The following CAB39 variants were observed in gnomAD, a reference collection of about 807,000 sequenced individuals.
CAB39 encodes calcium binding protein 39.
CAB39 carries 8 observed loss-of-function variants against 40.0 expected under a neutral mutation model. The observed-to-expected ratio is 0.20, with a 90% CI of 0.12 to 0.36. The LOEUF (loss-of-function observed/expected upper bound fraction) is 0.36. Ranked by LOEUF, CAB39 falls within the 10% of genes least tolerant of loss-of-function variation. The probability of loss-of-function intolerance (pLI) is 1.00; values close to 1 mark genes in which losing one functional copy is unlikely to be tolerated. For missense variants in CAB39, 270 were observed against 401.1 expected (o/e 0.67, Z 2.79); for synonymous variants, 156 against 141.6 (o/e 1.10, Z -0.72).
intron 8 of CAB39, chr2:230,818,280 C>T (rs926970953): frequency 2.0e-5 from 10 of 505,106 alleles, no homozygotes; most frequent in African/African-American, 1.8e-4. Flanking sequence ...TAATACTAAA[C>T]ACTGTGTTGC....
chr2:230,785,940 G>A (rs559287192), intron 2 of CAB39, among the ~76,000 whole-genome samples: 22 of 151,668 alleles, frequency 1.5e-4, no homozygotes, highest in Admixed American at 2.6e-4. Context: ...CGAGGCAGGC[G>A]GATCACAAGG....
chr2:230,771,047 G>A (rs1222627218), intron 2 of CAB39, among the ~76,000 whole-genome samples: 6 of 152,112 alleles, frequency 3.9e-5, no homozygotes, highest in African/African-American at 1.4e-4. Context: ...AGCCTATGCA[G>A]TCAGGCAATA....
chr2:230,798,985 G>C (rs1424765697), intron 5 of CAB39, 88 bp downstream of exon 5: 1 of 964,304 alleles, frequency 1.0e-6, no homozygotes, highest in East Asian at 2.7e-5. Flanking sequence ...AAATCTACAC[G>C]TGGCTGCCCT....
intron 1 of CAB39, among the ~76,000 whole-genome samples, chr2:230,720,960 G>A (rs1694439801): frequency 6.6e-6 from 1 of 152,118 alleles, no homozygotes; most frequent in African/African-American, 2.4e-5. Flanking sequence ...TGAGTTATAA[G>A]TTTTTCCTAT....
intron 2 of CAB39, among the ~76,000 whole-genome samples, chr2:230,778,683 A>G (rs1695636345): frequency 6.6e-6 from 1 of 152,172 alleles, no homozygotes; most frequent in South Asian, 2.1e-4. Context: ...AGAGGTTATT[A>G]TGGACTCTAT....
chr2:230,749,064 A>G (rs1218325570), intron 1 of CAB39, among the ~76,000 whole-genome samples: 4 of 148,410 alleles, frequency 2.7e-5, no homozygotes, highest in Non-Finnish European at 5.9e-5. Context: ...ACAACCTCCA[A>G]GGTAACCAAA....
At chr2:230,778,530 C>T (rs1036588058) in intron 2 of CAB39, among the ~76,000 whole-genome samples, 12 of 152,126 alleles carry the variant, frequency 7.9e-5, no homozygotes, top group Non-Finnish European at 2.9e-5. Flanking sequence ...AGAGTTAATA[C>T]GAAACCTCCT....
At chr2:230,767,577 A>C in intron 2 of CAB39, among the ~76,000 whole-genome samples, 1 of 152,356 alleles carries the variant, frequency 6.6e-6, no homozygotes, top group East Asian at 1.9e-4. Flanking sequence ...ATTTTTATCA[A>C]TCTCGTGAGC....
intron 1 of CAB39, among the ~76,000 whole-genome samples, chr2:230,746,106 TA>T (rs1694971463): frequency 6.6e-6 from 1 of 152,226 alleles, no homozygotes; most frequent in Non-Finnish European, 1.5e-5. Flanking sequence ...TTATGTTTTA[TA>T]TTTTTTTGTA....
intron 1 of CAB39, among the ~76,000 whole-genome samples, chr2:230,723,630 A>C (rs1694497247): frequency 6.6e-6 from 1 of 151,740 alleles, no homozygotes; most frequent in Non-Finnish European, 1.5e-5. Flanking sequence ...GGCACCCAGA[A>C]CCCCCTGCCT....
chr2:230,741,762 A>C (rs1694881200), intron 1 of CAB39, among the ~76,000 whole-genome samples: 2 of 152,240 alleles, frequency 1.3e-5, no homozygotes, highest in South Asian at 4.1e-4. Flanking sequence ...AATTTAAATA[A>C]GTTTATGTAA....
chr2:230,790,732 G>A, intron 2 of CAB39, 140 bp from the exon 3 acceptor site: 1 of 691,126 alleles, frequency 1.4e-6, no homozygotes, highest in South Asian at 1.9e-5. Flanking sequence ...GGCAAGGATG[G>A]AGCTTGCCCA....
intron 1 of CAB39, among the ~76,000 whole-genome samples, chr2:230,725,649 G>C (rs180851102): frequency 1.3e-3 from 193 of 152,296 alleles, no homozygotes; most frequent in Non-Finnish European, 2.1e-3. Context: ...AACCTACCAT[G>C]CTGCCTCTAC....
intron 7 of CAB39, among the ~76,000 whole-genome samples, chr2:230,815,429 G>T (rs1419433282): frequency 6.6e-6 from 1 of 152,178 alleles, no homozygotes; most frequent in Non-Finnish European, 1.5e-5. Flanking sequence ...GGTTCCTGGG[G>T]CCTCTCCTGC....
Position 230,810,293 on chromosome 2 carries a change from G to A in CAB39, c.598G>A (p.Ala200Thr). The A allele has an allele frequency of 6.9e-7, 1 of 1,441,764 alleles. No homozygotes were observed. Among genetic ancestry groups the A allele is most frequent in the Non-Finnish European group, 9.5e-7 (1 of 1,050,708 alleles). The allele number at this position is 1,441,764 out of a possible 1,614,324, so 89.3% of individuals were successfully genotyped here. A position where few individuals can be genotyped will look rare whatever the true frequency, so the allele number is the denominator to read the frequency against. ...ACTTACAAGACATAAATTGCTCAGT[G>A]CAGAATTTTTGGAACAGCATTATGA... ...DLLTRHKLLS[A>T]EFLEQHYDRF... The change falls in exon 6 of 9, where the codon GCA (alanine) becomes ACA (threonine). Residue 200 changes from alanine to threonine, a missense_variant. Physicochemically the swap from Ala to Thr is moderately conservative, Grantham distance 58. Coordinates refer to ENST00000258418, the MANE Select transcript of CAB39 (RefSeq NM_016289.4).
chr2:230,775,246 T>C (rs1695565388), intron 2 of CAB39, among the ~76,000 whole-genome samples: 1 of 151,930 alleles, frequency 6.6e-6, no homozygotes, highest in Non-Finnish European at 1.5e-5. Context: ...TTTTTCTTTT[T>C]TTTTTTTTGA....
chr2:230,718,877 A>G (rs960375306), intron 1 of CAB39, among the ~76,000 whole-genome samples: 6 of 152,192 alleles, frequency 3.9e-5, no homozygotes, highest in African/African-American at 1.4e-4. Context: ...TTTATGGCTT[A>G]TTAGCCACAG....
intron 6 of CAB39, 167 bp from the exon 7 acceptor site, chr2:230,813,882 G>C (rs1362342198): frequency 1.9e-6 from 1 of 523,150 alleles, no homozygotes; most frequent in Admixed American, 3.9e-5. Context: ...GTCAGAGGAA[G>C]ACATGAAAGA....
At chr2:230,770,289 G>A (rs1459477931) in intron 2 of CAB39, among the ~76,000 whole-genome samples, 1 of 152,190 alleles carries the variant, frequency 6.6e-6, no homozygotes, top group Non-Finnish European at 1.5e-5. Flanking sequence ...AGAGATTCCT[G>A]TAGTGACATT....
Sources: allele counts gnomAD v4.1 joint callset (sites outside exome capture counted in the v4.1 genomes callset), GRCh38; gene constraint gnomAD v4.1.1; transcripts MANE v1.5; gene names NCBI Gene and HGNC (gene_info 2026-07-23, HGNC 2026-07-21).